The following ATXN7L1 variants were observed in gnomAD, a reference collection of about 807,000 sequenced individuals.
ATXN7L1 encodes the protein ataxin 7 like 1.
ATXN7L1 carries 15 observed loss-of-function variants against 70.8 expected under a neutral mutation model. That is an observed-to-expected ratio of 0.21 (90% CI 0.14 to 0.33). The LOEUF is 0.33. ATXN7L1 is among the 10% of genes least tolerant of loss of function. ATXN7L1 has a pLI of 1.00. For synonymous variants in ATXN7L1, 440 were observed against 445.1 expected (o/e 0.99, Z 0.14); for missense variants, 975 against 1,097.1 (o/e 0.89, Z 1.57).
chr7:105,821,905 G>T (rs1044164264), intron 2 of ATXN7L1, among the ~76,000 whole-genome samples: 9 of 152,152 alleles, frequency 5.9e-5, no homozygotes, highest in African/African-American at 2.2e-4. Context: ...CTCTACTTTG[G>T]TTGACGCCAG....
chr7:105,692,903 T>C (rs1018959083), intron 3 of ATXN7L1, among the ~76,000 whole-genome samples: 1 of 151,538 alleles, frequency 6.6e-6, no homozygotes, highest in Non-Finnish European at 1.5e-5. Context: ...TTTAAATCTT[T>C]TGTAGACACG....
intron 4 of ATXN7L1, among the ~76,000 whole-genome samples, chr7:105,661,743 C>T (rs112126597): frequency 7.1e-4 from 108 of 152,252 alleles, no homozygotes; most frequent in African/African-American, 2.4e-3. Flanking sequence ...TGTTCCTGGA[C>T]GTGTTGGGTA....
At chr7:105,786,208 C>T (rs1308684544) in intron 3 of ATXN7L1, among the ~76,000 whole-genome samples, 3 of 152,196 alleles carry the variant, frequency 2.0e-5, no homozygotes, top group Non-Finnish European at 4.4e-5. Context: ...GGAGACTGGG[C>T]TTTGAGGGAC....
chr7:105,744,824 G>A (rs958401515), intron 3 of ATXN7L1, among the ~76,000 whole-genome samples: 2 of 138,426 alleles, frequency 1.4e-5, no homozygotes, highest in Non-Finnish European at 3.0e-5. Flanking sequence ...TGCAACCTCC[G>A]CCTCCTGGGT....
At position 105,860,128 on chromosome 7, in the gene ATXN7L1, AATATATATATATATATATACATAT is replaced by A. The variant is rs750783879; in HGVS notation, c.250+15660_250+15683del. 6.6e-4 allele frequency among the ~76,000 whole-genome samples: 47 copies of A among 70,800 alleles called. 2 individuals are homozygous for A. Among genetic ancestry groups the A allele is most frequent in the Admixed American group, 2.8e-3 (16 of 5,752 alleles). 46.4% of individuals were successfully genotyped at this position (70,800 alleles called of 152,430 possible). A position where few individuals can be genotyped will look rare whatever the true frequency, so the allele number is the denominator to read the frequency against. On this transcript the variant is annotated intron_variant, in intron 2 of 11. Coordinates refer to ENST00000419735, the MANE Select transcript of ATXN7L1 (RefSeq NM_020725.2). ...ATATACAGATAGATCTTTATATGTA[AATATATATATATATATATACATAT>A]ATATATATATATATATGAAAACAAG...
intron 3 of ATXN7L1, among the ~76,000 whole-genome samples, chr7:105,745,044 T>C (rs549616054): frequency 6.6e-6 from 1 of 152,274 alleles, no homozygotes; most frequent in East Asian, 1.9e-4. Flanking sequence ...GGCCAACAAC[T>C]ATTTTTTGCT....
chr7:105,713,314 C>T (rs1794152465), intron 3 of ATXN7L1, among the ~76,000 whole-genome samples: 3 of 152,224 alleles, frequency 2.0e-5, no homozygotes, highest in Admixed American at 6.5e-5. Flanking sequence ...GATCAGAGAA[C>T]CACACTTGGT....
intron 3 of ATXN7L1, among the ~76,000 whole-genome samples, chr7:105,750,493 T>C (rs1370583993): frequency 6.6e-6 from 1 of 151,814 alleles, no homozygotes; most frequent in Non-Finnish European, 1.5e-5. Context: ...TAGGCTGGTT[T>C]TGAACTCCCT....
chr7:105,637,103 C>T (rs766190721), intron 7 of ATXN7L1, among the ~76,000 whole-genome samples: 1 of 152,126 alleles, frequency 6.6e-6, no homozygotes, highest in South Asian at 2.1e-4. Context: ...GTGACAGTAA[C>T]GCCACGATGG....
At chr7:105,676,316 A>G (rs1804641099) in intron 3 of ATXN7L1, among the ~76,000 whole-genome samples, 1 of 152,178 alleles carries the variant, frequency 6.6e-6, no homozygotes, top group South Asian at 2.1e-4. Flanking sequence ...CACACACCGC[A>G]CAAGTCACAT....
At chr7:105,632,420 T>C (rs1796723091) in intron 7 of ATXN7L1, among the ~76,000 whole-genome samples, 1 of 151,750 alleles carries the variant, frequency 6.6e-6, no homozygotes, top group Admixed American at 6.6e-5. Context: ...TTTCAGAAAG[T>C]AGAACAAGGA....
intron 3 of ATXN7L1, among the ~76,000 whole-genome samples, chr7:105,715,806 G>T (rs189696229): frequency 4.5e-4 from 68 of 152,334 alleles, no homozygotes; most frequent in Admixed American, 9.1e-4. Flanking sequence ...GTGAAAAACT[G>T]GCTGCAAGCA....
intron 7 of ATXN7L1, among the ~76,000 whole-genome samples, chr7:105,627,303 T>C (rs1292900663): frequency 1.3e-5 from 2 of 150,722 alleles, no homozygotes; most frequent in Non-Finnish European, 3.0e-5. Flanking sequence ...GGCATGATCA[T>C]GGCTCACTGC....
At chr7:105,692,452 T>A (rs1386805596) in intron 3 of ATXN7L1, among the ~76,000 whole-genome samples, 1 of 110,284 alleles carries the variant, frequency 9.1e-6, no homozygotes, top group Non-Finnish European at 1.9e-5. Context: ...CTCCCTTCCT[T>A]CCTTCTTTTT....
intron 3 of ATXN7L1, chr7:105,761,100 G>A (rs758976517): frequency 3.8e-5 from 40 of 1,047,180 alleles, no homozygotes; most frequent in Non-Finnish European, 4.3e-5. Flanking sequence ...CAGCTGGAAG[G>A]CTTTTGCAGT....
intron 2 of ATXN7L1, among the ~76,000 whole-genome samples, chr7:105,834,371 C>G (rs986182728): frequency 1.3e-5 from 2 of 152,188 alleles, no homozygotes; most frequent in Non-Finnish European, 2.9e-5. Flanking sequence ...CTTGGCTTCA[C>G]CCAGCTGTAT....
chr7:105,856,268 T>A (rs1233384211), intron 2 of ATXN7L1, among the ~76,000 whole-genome samples: 4 of 152,176 alleles, frequency 2.6e-5, no homozygotes, highest in Non-Finnish European at 5.9e-5. Flanking sequence ...TTGGTAAGAA[T>A]CTATAGACTA....
At chr7:105,617,046 A>G (rs80297460) in intron 9 of ATXN7L1, among the ~76,000 whole-genome samples, 1 of 150,526 alleles carries the variant, frequency 6.6e-6, no homozygotes, top group African/African-American at 2.4e-5. Flanking sequence ...TTTTTTTTTT[A>G]GATGGAGTCT....
chr7:105,867,075 C>T (rs1254434230), intron 2 of ATXN7L1, among the ~76,000 whole-genome samples: 1 of 152,324 alleles, frequency 6.6e-6, no homozygotes, highest in East Asian at 1.9e-4. Context: ...AATTCTGCAG[C>T]AGAGACGGCA....
Sources: allele counts gnomAD v4.1 joint callset (sites outside exome capture counted in the v4.1 genomes callset), GRCh38; gene constraint gnomAD v4.1.1; transcripts MANE v1.5; gene names NCBI Gene and HGNC (gene_info 2026-07-23, HGNC 2026-07-21).